MYO1B: variants seen among roughly 807,000 people sequenced by gnomAD.
The protein encoded by MYO1B is myosin IB, also known as unconventional myosin-Ib.
A neutral mutation model predicts 159.7 loss-of-function variants in MYO1B; 72 were observed. The ratio of observed to expected loss-of-function variants is 0.45; its 90% confidence interval spans 0.37 to 0.55. The LOEUF is 0.55. Ranked by LOEUF, MYO1B falls within the 20% of genes least tolerant of loss-of-function variation. The probability of loss-of-function intolerance (pLI) is 0.00; values close to 1 mark genes in which losing one functional copy is unlikely to be tolerated. For synonymous variants in MYO1B, 468 were observed against 473.8 expected (o/e 0.99, Z 0.16); for missense variants, 1,062 against 1,364.8 (o/e 0.78, Z 3.50).
At chr2:191,342,691 A>G (rs1005876501) in intron 5 of MYO1B, among the ~76,000 whole-genome samples, 2 of 152,152 alleles carry the variant, frequency 1.3e-5, no homozygotes, top group Non-Finnish European at 2.9e-5. Context: ...TACTAAAAAT[A>G]CAAAAATTAG....
intron 4 of MYO1B, among the ~76,000 whole-genome samples, chr2:191,332,744 G>A (rs1691573584): frequency 6.6e-6 from 1 of 152,202 alleles, no homozygotes. Flanking sequence ...TGCAGGTAGT[G>A]TAGTTATAGA....
chr2:191,378,106 T>C (rs376702465), intron 13 of MYO1B, among the ~76,000 whole-genome samples: 3 of 152,150 alleles, frequency 2.0e-5, no homozygotes, highest in Admixed American at 1.3e-4. Context: ...TCTCTCCTTA[T>C]TGGTTTTTGA....
At chr2:191,364,121 C>A in intron 10 of MYO1B, 37 bp from the exon 11 acceptor site, 1 of 1,508,008 alleles carries the variant, frequency 6.6e-7, no homozygotes, top group Non-Finnish European at 9.2e-7. Flanking sequence ...AGCACGTGTA[C>A]AGTCACTTTT....
intron 3 of MYO1B, among the ~76,000 whole-genome samples, chr2:191,312,500 T>A (rs1690067145): frequency 6.6e-6 from 1 of 152,268 alleles, no homozygotes; most frequent in Non-Finnish European, 1.5e-5. Context: ...ATGATTTTTA[T>A]TAATCATATG....
chr2:191,411,459 TAAG>T, intron 27 of MYO1B, among the ~76,000 whole-genome samples: 1 of 152,374 alleles, frequency 6.6e-6, no homozygotes, highest in South Asian at 2.1e-4. Context: ...TATAGGCTGT[TAAG>T]ATACGTTTGC....
rs181160009 is a variant in MYO1B at position 191,317,059 on chromosome 2, C to A, written c.252-12876C>A. On this transcript the variant is annotated intron_variant, in intron 3 of 30. Coordinates refer to ENST00000392318, the MANE Select transcript of MYO1B (RefSeq NM_001130158.3). ...TTTGGAGGAGGACGTATTTGATTTG[C>A]GGAGGCCGAAGGGGACTGTGATAGG... 7.2e-5 allele frequency among the ~76,000 whole-genome samples: 11 copies of A among 152,196 alleles called. No individual in the cohort carries two copies. The South Asian group carries it at 2.3e-3, about 32-fold the overall frequency.
chr2:191,371,111 T>C (rs1489676057), intron 13 of MYO1B: 1 of 152,190 alleles, frequency 6.6e-6, no homozygotes, highest in Admixed American at 6.5e-5. Flanking sequence ...TATTAAAACA[T>C]TTATTCTCAC....
intron 3 of MYO1B, among the ~76,000 whole-genome samples, chr2:191,326,819 C>CGT (rs1691126490): frequency 1.6e-5 from 2 of 125,722 alleles, no homozygotes; most frequent in Non-Finnish European, 3.6e-5. Context: ...TGTGTGTGCG[C>CGT]GCGCCATATA....
intron 21 of MYO1B, among the ~76,000 whole-genome samples, chr2:191,397,465 C>T (rs1390468928): frequency 6.6e-6 from 1 of 151,934 alleles, no homozygotes; most frequent in African/African-American, 2.4e-5. Context: ...TCCATTTAAC[C>T]CTGAGTGGAC....
At chr2:191,294,264 G>A (rs1688851731) in intron 2 of MYO1B, among the ~76,000 whole-genome samples, 1 of 152,204 alleles carries the variant, frequency 6.6e-6, no homozygotes, top group Non-Finnish European at 1.5e-5. Context: ...TTTAGCCACT[G>A]TGAAGTTTGG....
chr2:191,265,971 G>A (rs1426657659), intron 1 of MYO1B, among the ~76,000 whole-genome samples: 1 of 152,048 alleles, frequency 6.6e-6, no homozygotes, highest in African/African-American at 2.4e-5. Context: ...ATGTTGAGGG[G>A]GTGGAGAGGG....
In MYO1B at chr2:191,354,421, G is replaced by A. The variant is rs150211518; in HGVS notation, c.562+4196G>A. 6.2e-3 allele frequency among the ~76,000 whole-genome samples: 935 copies of A among 151,972 alleles called. 8 individuals carry two copies. The highest frequency in any genetic ancestry group is 0.022 in the African/African-American group (897 of 41,462). On this transcript the variant is annotated intron_variant, in intron 7 of 30. Transcript: ENST00000392318. ...TTGGAAAATTTTGTCTGAATATTCT[G>A]TGCTAATCATTTAAAAATACTTCTA...
chr2:191,274,483 G>C (rs1687635097), intron 1 of MYO1B, among the ~76,000 whole-genome samples: 2 of 152,212 alleles, frequency 1.3e-5, no homozygotes, highest in South Asian at 4.1e-4. Flanking sequence ...CCCCAGGGCA[G>C]AGTTCCTCTT....
chr2:191,255,979 T>G (rs1686420333), intron 1 of MYO1B, among the ~76,000 whole-genome samples: 1 of 152,192 alleles, frequency 6.6e-6, no homozygotes, highest in Non-Finnish European at 1.5e-5. Context: ...TTCTATGTTT[T>G]TTCCAGTGTC....
At chr2:191,282,973 G>A (rs997838935) in intron 2 of MYO1B, among the ~76,000 whole-genome samples, 1 of 152,232 alleles carries the variant, frequency 6.6e-6, no homozygotes, top group Non-Finnish European at 1.5e-5. Context: ...CTTCCAGAGT[G>A]TAGCTTTGGT....
chr2:191,377,100 C>G (rs888424246), intron 13 of MYO1B, among the ~76,000 whole-genome samples: 1 of 152,030 alleles, frequency 6.6e-6, no homozygotes, highest in Non-Finnish European at 1.5e-5. Context: ...AAAAGAAGCC[C>G]TAGCGTTTAA....
At chr2:191,277,679 A>T (rs892555013) in intron 2 of MYO1B, among the ~76,000 whole-genome samples, 3 of 152,218 alleles carry the variant, frequency 2.0e-5, no homozygotes, top group Non-Finnish European at 2.9e-5. Context: ...ATACATTTAT[A>T]TGCAGCTTTT....
chr2:191,321,305 A>G (rs1207779238), intron 3 of MYO1B, among the ~76,000 whole-genome samples: 1 of 152,178 alleles, frequency 6.6e-6, no homozygotes, highest in African/African-American at 2.4e-5. Context: ...CTCTTGGGAT[A>G]GGTGTTTCCA....
chr2:191,401,272 T>G (rs1286258458), intron 23 of MYO1B, among the ~76,000 whole-genome samples: 1 of 152,238 alleles, frequency 6.6e-6, no homozygotes, highest in Non-Finnish European at 1.5e-5. Context: ...CTTAAAAATA[T>G]TAATTTATGA....
Sources: allele counts gnomAD v4.1 joint callset (sites outside exome capture counted in the v4.1 genomes callset), GRCh38; gene constraint gnomAD v4.1.1; transcripts MANE v1.5; gene names NCBI Gene and HGNC (gene_info 2026-07-23, HGNC 2026-07-21).